PIP5K1B: variants seen among roughly 807,000 people sequenced by gnomAD.
PIP5K1B encodes the protein phosphatidylinositol 4-phosphate 5-kinase type-1 beta.
Under a neutral mutation model 67.0 loss-of-function variants are expected in PIP5K1B, and 42 were observed. The observed-to-expected ratio is 0.63, with a 90% CI of 0.49 to 0.81. The LOEUF is 0.81. PIP5K1B is among the 30% of genes least tolerant of loss of function. PIP5K1B has a pLI of 0.00. For synonymous variants in PIP5K1B, 214 were observed against 231.4 expected, an observed-to-expected ratio of 0.92 and a Z score of 0.68; for missense variants, 459 against 646.3, an observed-to-expected ratio of 0.71 and a Z score of 3.14.
chr9:68,820,952 C>G (rs1833702040), intron 3 of PIP5K1B, among the ~76,000 whole-genome samples: 1 of 152,158 alleles, frequency 6.6e-6, no homozygotes, highest in South Asian at 2.1e-4. Context: ...AAAATGTAAA[C>G]TTCTCTATAT....
intron 14 of PIP5K1B, among the ~76,000 whole-genome samples, chr9:68,976,855 C>T (rs1829653430): frequency 1.3e-5 from 2 of 152,324 alleles, no homozygotes; most frequent in East Asian, 1.9e-4. Context: ...TCCTGCTGTG[C>T]GGCCTGGTTC....
chr9:68,861,012 A>C (rs1823033847), intron 4 of PIP5K1B, among the ~76,000 whole-genome samples: 1 of 152,198 alleles, frequency 6.6e-6, no homozygotes, highest in African/African-American at 2.4e-5. Flanking sequence ...TTAGTAGTAA[A>C]CACTACATTA....
chr9:68,988,432 TG>T (rs1410666026), intron 14 of PIP5K1B, among the ~76,000 whole-genome samples: 3 of 147,978 alleles, frequency 2.0e-5, no homozygotes, highest in East Asian at 2.0e-4. Context: ...AAAACTTAGT[TG>T]TTTTTTTGGG....
At chr9:68,921,304 T>C (rs1382747085) in intron 11 of PIP5K1B, among the ~76,000 whole-genome samples, 3 of 151,806 alleles carry the variant, frequency 2.0e-5, no homozygotes, top group African/African-American at 7.3e-5. Context: ...AAAAGAAAAT[T>C]TTTTAATTAA....
chr9:68,938,943 G>C (rs909899289), intron 13 of PIP5K1B, among the ~76,000 whole-genome samples: 1 of 152,188 alleles, frequency 6.6e-6, no homozygotes, highest in African/African-American at 2.4e-5. Flanking sequence ...CGTACAATTA[G>C]GTGAGGCTCC....
At chr9:68,815,941 A>G (rs1833420896) in intron 2 of PIP5K1B, among the ~76,000 whole-genome samples, 1 of 152,190 alleles carries the variant, frequency 6.6e-6, no homozygotes, top group African/African-American at 2.4e-5. Flanking sequence ...CAAATTTTAA[A>G]AAAAGATTGT....
chr9:68,760,595 G>T (rs1830140827), intron 2 of PIP5K1B, among the ~76,000 whole-genome samples: 1 of 152,028 alleles, frequency 6.6e-6, no homozygotes, highest in African/African-American at 2.4e-5. Flanking sequence ...AACCATGAAG[G>T]TCAGCTCACT....
intron 4 of PIP5K1B, among the ~76,000 whole-genome samples, chr9:68,845,058 G>A (rs1042249849): frequency 6.6e-6 from 1 of 152,156 alleles, no homozygotes; most frequent in African/African-American, 2.4e-5. Context: ...TCAGAAAGTC[G>A]TATATCGTGT....
chr9:68,980,615 T>TG (rs1829847195), intron 14 of PIP5K1B, among the ~76,000 whole-genome samples: 1 of 152,208 alleles, frequency 6.6e-6, no homozygotes, highest in Admixed American at 6.5e-5. Flanking sequence ...CTATCCAAAC[T>TG]GATCCTCTTG....
At chr9:68,798,893 G>A (rs1832437686) in intron 2 of PIP5K1B, among the ~76,000 whole-genome samples, 1 of 152,180 alleles carries the variant, frequency 6.6e-6, no homozygotes, top group Admixed American at 6.5e-5. Context: ...GAGAACAAAA[G>A]ATGGTTTTGA....
At chr9:68,882,358 A>G (rs1234161752) in intron 6 of PIP5K1B, among the ~76,000 whole-genome samples, 1 of 152,216 alleles carries the variant, frequency 6.6e-6, no homozygotes, top group Non-Finnish European at 1.5e-5. Flanking sequence ...ATCACAGTTT[A>G]TTGCACATTG....
intron 1 of PIP5K1B, among the ~76,000 whole-genome samples, chr9:68,707,238 A>T (rs1827167629): frequency 6.6e-6 from 1 of 152,194 alleles, no homozygotes; most frequent in African/African-American, 2.4e-5. Context: ...GAAGCACTAA[A>T]TGATAGAACC....
intron 2 of PIP5K1B, among the ~76,000 whole-genome samples, chr9:68,813,666 CCT>C (rs1833282471): frequency 5.9e-5 from 9 of 152,120 alleles, no homozygotes; most frequent in African/African-American, 1.9e-4. Context: ...TGAGCTCTAA[CCT>C]AGTATAACTG....
chr9:68,856,979 G>T (rs1822811337), intron 4 of PIP5K1B, among the ~76,000 whole-genome samples: 1 of 152,226 alleles, frequency 6.6e-6, no homozygotes, highest in Admixed American at 6.5e-5. Context: ...AGATTATCCA[G>T]ATGGGTCCAT....
At chr9:68,780,085 AGCGGCG>A in intron 2 of PIP5K1B, 3 of 1,424,328 alleles carry the variant, frequency 2.1e-6, no homozygotes, top group Non-Finnish European at 2.8e-6. Context: ...TGGCGGCGGC[AGCGGCG>A]GCGGCCCTGG....
intron 8 of PIP5K1B, among the ~76,000 whole-genome samples, chr9:68,905,967 A>G (rs1391046626): frequency 6.6e-6 from 1 of 152,104 alleles, no homozygotes; most frequent in Non-Finnish European, 1.5e-5. Flanking sequence ...CCTGCAACTG[A>G]GTGTCCCTTT....
intron 4 of PIP5K1B, among the ~76,000 whole-genome samples, chr9:68,832,613 G>T (rs529388383): frequency 7.2e-5 from 11 of 152,276 alleles, no homozygotes; most frequent in African/African-American, 2.6e-4. Context: ...GATGGGCCGT[G>T]GGCTCTGTGG....
chr9:68,720,628 C>T (rs1827839727), intron 1 of PIP5K1B, among the ~76,000 whole-genome samples: 1 of 152,188 alleles, frequency 6.6e-6, no homozygotes, highest in Admixed American at 6.5e-5. Flanking sequence ...CCAGATACGT[C>T]TCTTACCTGG....
At chr9:68,882,409 G>T (rs966166640) in intron 6 of PIP5K1B, among the ~76,000 whole-genome samples, 3 of 152,060 alleles carry the variant, frequency 2.0e-5, no homozygotes, top group African/African-American at 7.2e-5. Context: ...TATTAAAGTG[G>T]ATCAAAACAA....
Sources: allele counts gnomAD v4.1 joint callset (sites outside exome capture counted in the v4.1 genomes callset), GRCh38; gene constraint gnomAD v4.1.1; transcripts MANE v1.5; gene names NCBI Gene and HGNC (gene_info 2026-07-23, HGNC 2026-07-21).